The following SPATA45 variants were observed in gnomAD, a reference collection of about 807,000 sequenced individuals.
SPATA45 encodes spermatogenesis-associated protein 45.
In SPATA45, 5 loss-of-function variants were observed where a neutral mutation model predicts 7.0. The ratio of observed to expected loss-of-function variants is 0.71; its 90% CI spans 0.37 to 1.50. SPATA45 has a LOEUF of 1.50. Ranked by LOEUF, SPATA45 falls within the 40% of genes most tolerant of loss-of-function variation. SPATA45 has a pLI of 0.03. For missense variants in SPATA45, 111 were observed against 114.9 expected, an observed-to-expected ratio of 0.97 and a Z score of 0.16; for synonymous variants, 40 against 38.7, an observed-to-expected ratio of 1.03 and a Z score of -0.13.
chr1:212,839,625 A>G (rs1006289296), intron 1 of SPATA45, among the ~76,000 whole-genome samples: 1 of 151,442 alleles, frequency 6.6e-6, no homozygotes. Flanking sequence ...GTCAAAAAAA[A>G]AAAAAAATGC....
intron 2 of SPATA45, among the ~76,000 whole-genome samples, chr1:212,831,673 A>G (rs1325300197): frequency 6.6e-6 from 1 of 151,230 alleles, no homozygotes; most frequent in Non-Finnish European, 1.5e-5. Context: ...TCTTCACGTC[A>G]CTATTAATAG....
At chr1:212,837,738 G>T (rs1018423133) in intron 1 of SPATA45, among the ~76,000 whole-genome samples, 3 of 151,800 alleles carry the variant, frequency 2.0e-5, no homozygotes, top group African/African-American at 7.2e-5. Context: ...GGAGGTGAAG[G>T]TTGCAGTGAG....
chr1:212,846,997 TC>T (rs944177276), intron 1 of SPATA45, among the ~76,000 whole-genome samples: 5 of 151,746 alleles, frequency 3.3e-5, no homozygotes, highest in African/African-American at 1.2e-4. Flanking sequence ...GCTCAGGTGA[TC>T]CCCCCACCTC....
intron 1 of SPATA45, among the ~76,000 whole-genome samples, chr1:212,843,603 C>T (rs574877053): frequency 1.1e-4 from 17 of 152,216 alleles, no homozygotes; most frequent in African/African-American, 1.7e-4. Context: ...ACAATGGAGA[C>T]GTTCAAGGTA....
At chr1:212,830,774 A>G (rs1383623066) in intron 2 of SPATA45, among the ~76,000 whole-genome samples, 1 of 151,178 alleles carries the variant, frequency 6.6e-6, no homozygotes, top group Non-Finnish European at 1.5e-5. Flanking sequence ...CGAGGTCAAG[A>G]GATGGAGACC....
intron 1 of SPATA45, among the ~76,000 whole-genome samples, chr1:212,836,740 C>T (rs1663592796): frequency 6.6e-6 from 1 of 151,388 alleles, no homozygotes. Context: ...CCTCCGCCTC[C>T]AGGGTTCAAG....
At chr1:212,837,077 T>C (rs970528088) in intron 1 of SPATA45, among the ~76,000 whole-genome samples, 1 of 148,052 alleles carries the variant, frequency 6.8e-6, no homozygotes, top group African/African-American at 2.4e-5. Context: ...TTTAAAATTA[T>C]ACTATGCATT....
At chr1:212,835,593 G>C (rs1404883558) in intron 2 of SPATA45, among the ~76,000 whole-genome samples, 1 of 151,020 alleles carries the variant, frequency 6.6e-6, no homozygotes, top group Non-Finnish European at 1.5e-5. Flanking sequence ...AGCACTTTAG[G>C]AGGCCGAGGT....
chr1:212,831,227 G>A (rs768731975), intron 2 of SPATA45, among the ~76,000 whole-genome samples: 3 of 151,012 alleles, frequency 2.0e-5, no homozygotes, highest in Non-Finnish European at 4.4e-5. Flanking sequence ...CCAGCGCTTT[G>A]GGAGGCTGAG....
At position 212,835,935 on chromosome 1, in the gene SPATA45, C is replaced by T. The variant is rs767895671; in HGVS notation, c.215G>A (p.Arg72Lys). 1 of 1,610,488 alleles carries T rather than the reference C, an allele frequency of 6.2e-7. No individual in the cohort carries two copies. The highest frequency in any genetic ancestry group is 8.5e-7 in the Non-Finnish European group (1 of 1,177,308). Residue 72 changes from arginine to lysine, a missense_variant, in exon 2 of 3, where the codon AGG becomes AAG. Arg to Lys is a conservative substitution (Grantham distance 26). Transcript: ENST00000332912. The stretch of plus-strand genomic sequence containing the variant: ...GAGACTCAGCTTGATCCAGGAGCTC[C>T]TGCCACTGTTGGGAACAGGCTCTTT... ...TTKEPVPNSGRSSWIKLSLLA... is the reference protein window; with the variant it reads ...TTKEPVPNSGKSSWIKLSLLA...
At chr1:212,839,166 G>A (rs567388784) in intron 1 of SPATA45, among the ~76,000 whole-genome samples, 2 of 146,324 alleles carry the variant, frequency 1.4e-5, no homozygotes. Context: ...TACCTGAGAT[G>A]CTAATTCATC....
rs1305923012 is a variant in SPATA45 at position 212,834,469 on chromosome 1, GAGA to G, written c.277+1401_277+1403del. On this transcript the variant is annotated intron_variant, in intron 2 of 2. Coordinates refer to ENST00000332912, the MANE Select transcript of SPATA45 (RefSeq NM_001024601.3). Reference sequence around the variant, plus strand: ...CCTTCGTCCACTTTTTTTTTTTTTTGAGAAGGAGTCTCACTCTGTCGCCCAGGC... The same window carrying G: ...CCTTCGTCCACTTTTTTTTTTTTTTGAGGAGTCTCACTCTGTCGCCCAGGC... Among the ~76,000 whole-genome samples the G allele has an allele frequency of 5.2e-5, 7 of 133,764 alleles. No individual in the cohort carries two copies. In the South Asian group the frequency reaches 1.2e-3, roughly 23 times the overall value. The allele number at this position is 133,764 out of a possible 152,430, so 87.8% of individuals were successfully genotyped here.
chr1:212,838,362 C>T (rs902188481), intron 1 of SPATA45, among the ~76,000 whole-genome samples: 1 of 149,576 alleles, frequency 6.7e-6, no homozygotes, highest in African/African-American at 2.4e-5. Context: ...TAAATCAATA[C>T]TACAATGAGA....
intron 2 of SPATA45, among the ~76,000 whole-genome samples, chr1:212,833,385 T>G (rs12036054): frequency 0.18 from 27,784 of 150,746 alleles, 3,250 homozygotes; most frequent in African/African-American, 0.28. Context: ...CTGGCCGGGC[T>G]CAGTGGCTCA....
intron 1 of SPATA45, among the ~76,000 whole-genome samples, chr1:212,838,452 A>C (rs1663626928): frequency 6.6e-6 from 1 of 151,728 alleles, no homozygotes; most frequent in Non-Finnish European, 1.5e-5. Flanking sequence ...GAGGACCTGG[A>C]ATTCTCATAT....
At chr1:212,833,533 G>T (rs1023129122) in intron 2 of SPATA45, among the ~76,000 whole-genome samples, 3 of 150,214 alleles carry the variant, frequency 2.0e-5, no homozygotes, top group Admixed American at 6.6e-5. Context: ...AATTAGCCAG[G>T]CGTGGTGGCA....
rs1558096559 is a variant in SPATA45, at chr1:212,835,983, T to C, written c.167A>G (p.Gln56Arg). The change falls in exon 2 of 3, where the codon CAG becomes CGG. Residue 56 changes from glutamine (Q) to arginine (R), a missense_variant. Gln to Arg is a conservative substitution (Grantham distance 43). Coordinates refer to ENST00000332912, the MANE Select transcript of SPATA45 (RefSeq NM_001024601.3). ...VQKRHFPDAYQSFTDTTTKEP... is the reference protein window; with the variant it reads ...VQKRHFPDAYRSFTDTTTKEP... ...TTTGGTTGTGGTATCAGTAAAGGAC[T>C]GATAGGCATCCGGGAAGTGCCTCTT... 6.2e-7 allele frequency: 1 copy of C among 1,611,034 alleles called. No homozygotes were observed. The highest frequency in any genetic ancestry group is 8.5e-7 in the Non-Finnish European group (1 of 1,177,542).
At chr1:212,840,644 A>C (rs188077301) in intron 1 of SPATA45, among the ~76,000 whole-genome samples, 1 of 151,346 alleles carries the variant, frequency 6.6e-6, no homozygotes, top group African/African-American at 2.4e-5. Context: ...TTGAGACCGA[A>C]TCTCGCTCTG....
intron 2 of SPATA45, among the ~76,000 whole-genome samples, chr1:212,832,866 C>A (rs1663517289): frequency 6.6e-6 from 1 of 151,530 alleles, no homozygotes; most frequent in Non-Finnish European, 1.5e-5. Context: ...AAGTATATTC[C>A]ATGTCCCAAC....
Sources: gnomAD v4.1 joint callset for allele counts (sites outside exome capture counted in the v4.1 genomes callset) on GRCh38, gnomAD v4.1.1 for gene constraint, MANE v1.5 for transcripts, NCBI Gene and HGNC (gene_info 2026-07-23, HGNC 2026-07-21) for gene names.